Variants in NEK3 observed in about 807,000 individuals in gnomAD.
The protein encoded by NEK3 is NIMA related kinase 3, also known as serine/threonine-protein kinase Nek3.
NEK3 carries 54 observed loss-of-function variants against 66.0 expected under a neutral mutation model. The ratio of observed to expected loss-of-function variants is 0.82; its 90% CI spans 0.66 to 1.03. NEK3 has a LOEUF of 1.03. Among genes scored for constraint, NEK3 ranks in the 50% least tolerant of loss-of-function variants. NEK3 has a pLI of 0.00. For synonymous variants in NEK3, 200 were observed against 206.2 expected, an observed-to-expected ratio of 0.97 and a Z score of 0.26; for missense variants, 593 against 603.0, an observed-to-expected ratio of 0.98 and a Z score of 0.17.
chr13:52,148,284 A>C lies in NEK3; in HGVS notation c.603+131T>G, dbSNP rs1016171922. On this transcript the variant is annotated intron_variant, in intron 8 of 15. Transcript: ENST00000610828. The stretch of plus-strand genomic sequence containing the variant: ...AAACTAACTCAGGGCAGATGACTGC[A>C]CTGGAAACATATACAAACTTTTATA... The C allele has an allele frequency of 8.4e-5, 66 of 781,596 alleles. 1 individual carries two copies. The Admixed American group carries it at 1.4e-3, about 17-fold the overall frequency. The allele number at this position is 781,596 out of a possible 1,614,324, so 48.4% of individuals were successfully genotyped here. A position where few individuals can be genotyped will look rare whatever the true frequency, so the allele number is the denominator to read the frequency against.
intron 2 of NEK3, among the ~76,000 whole-genome samples, chr13:52,154,782 G>A (rs1956377979): frequency 6.7e-6 from 1 of 149,124 alleles, no homozygotes; most frequent in Non-Finnish European, 1.5e-5. Context: ...AGTTGGGTGT[G>A]GTGGCTACCC....
intron 7 of NEK3, among the ~76,000 whole-genome samples, chr13:52,150,007 C>T (rs550193441): frequency 2.6e-5 from 4 of 152,126 alleles, no homozygotes; most frequent in Non-Finnish European, 5.9e-5. Flanking sequence ...AATCTCAATT[C>T]GGTAACATTA....
intron 2 of NEK3, 45 bp downstream of exon 2, chr13:52,156,030 A>T: frequency 7.9e-7 from 1 of 1,269,508 alleles, no homozygotes; most frequent in Non-Finnish European, 1.1e-6. Context: ...TTTTATATAA[A>T]CTGCATGTAT....
chr13:52,151,058 T>G, intron 7 of NEK3, 88 bp downstream of exon 7: 2 of 996,800 alleles, frequency 2.0e-6, no homozygotes, highest in Non-Finnish European at 3.1e-6. Flanking sequence ...TGCATCTGTT[T>G]TGAAGTGACG....
intron 9 of NEK3, among the ~76,000 whole-genome samples, chr13:52,144,204 A>G (rs1470808689): frequency 6.6e-6 from 1 of 152,214 alleles, no homozygotes; most frequent in Non-Finnish European, 1.5e-5. Context: ...GCCTGAGGTC[A>G]GGAGTTTGAG....
chr13:52,148,656 T>A (rs888473950), intron 7 of NEK3, among the ~76,000 whole-genome samples, 187 bp from the exon 8 acceptor site: 1 of 152,140 alleles, frequency 6.6e-6, no homozygotes, highest in Admixed American at 6.5e-5. Context: ...TGCTTTTCAA[T>A]CCCCACCCCC....
At chr13:52,145,172 A>C (rs546776937) in intron 8 of NEK3, among the ~76,000 whole-genome samples, 1 of 152,298 alleles carries the variant, frequency 6.6e-6, no homozygotes, top group Non-Finnish European at 1.5e-5. Flanking sequence ...ATACATTATT[A>C]ATATATATTG....
chr13:52,144,773 T>C lies in NEK3; in HGVS notation c.722A>G (p.Asn241Ser), dbSNP rs575518080. The C allele has an allele frequency of 2.3e-5, 37 of 1,613,834 alleles. 1 individual carries two copies. In the South Asian group the frequency reaches 4.0e-4, roughly 17 times the overall value. Residue 241 changes from asparagine (N) to serine (S), a missense_variant, in exon 9 of 16, where the codon AAT becomes AGT. Transcript: ENST00000610828. The part of the protein sequence containing the change: ...QFLVKQMFKR[N>S]PSHRPSATTL... ...TGTAGCCGAGGGGCGATGTGAGGGA[T>C]TCCTTTTAAACATCTGCTTGACTAG...
intron 9 of NEK3, 89 bp downstream of exon 9, chr13:52,144,602 A>G: frequency 9.8e-7 from 1 of 1,024,270 alleles, no homozygotes; most frequent in Non-Finnish European, 1.5e-6. Flanking sequence ...GATTTTGATG[A>G]GCACATGTAA....
rs564552332 is a variant in NEK3, at chr13:52,133,806, C to G, written c.1319G>C (p.Gly440Ala). ...TTCAGACAGGGGGCCTTTCAAGAAC[C>G]CTTCTGAACCTTCAGGAGATATTAA... ...TYTIYRPGSE[G>A]FLKGPLSEET... is the part of the protein sequence containing the mutation. Residue 440 changes from glycine (G) to alanine (A), a missense_variant, in exon 15 of 16, where the codon GGG (glycine) becomes GCG (alanine). Physicochemically the swap from Gly to Ala is moderately conservative, Grantham distance 60 (BLOSUM62 0). Transcript: ENST00000610828. 6.3e-6 allele frequency: 10 copies of G among 1,598,408 alleles called. No homozygotes were observed. The highest frequency in any genetic ancestry group is 2.2e-5 in the East Asian group (1 of 44,604).
rs1283218714 is a variant in NEK3, at chr13:52,133,689, G to A, written c.1436C>T (p.Thr479Met). ...RLEPGLDEEDTDFEEEDDNPD... is the reference protein window; with the variant it reads ...RLEPGLDEEDMDFEEEDDNPD... ...GCTTTCTATGCATATCACAACGTACGTGTCCTCCTCATCTAGCCCAGGCTC... is the reference window on the plus strand; with the variant it reads ...GCTTTCTATGCATATCACAACGTACATGTCCTCCTCATCTAGCCCAGGCTC... The change falls in exon 15 of 16, where the codon ACG (threonine) becomes ATG (methionine). Residue 479 changes from threonine (T) to methionine (M), a missense_variant and splice_region_variant. Coordinates refer to ENST00000610828, the MANE Select transcript of NEK3 (RefSeq NM_002498.3). The A allele has an allele frequency of 5.2e-6, 8 of 1,551,800 alleles. No homozygotes were observed. The highest frequency in any genetic ancestry group is 2.0e-5 in the Admixed American group (1 of 50,944).
intron 8 of NEK3, 56 bp downstream of exon 8, chr13:52,148,359 T>C: frequency 1.3e-6 from 2 of 1,519,044 alleles, no homozygotes; most frequent in Non-Finnish European, 1.8e-6. Flanking sequence ...TGTCACATTA[T>C]TAGGGCTCAG....
At chr13:52,147,741 G>A (rs908965958) in intron 8 of NEK3, among the ~76,000 whole-genome samples, 1 of 152,176 alleles carries the variant, frequency 6.6e-6, no homozygotes, top group Non-Finnish European at 1.5e-5. Flanking sequence ...GGAGGCCGAG[G>A]CGAGTGGATC....
chr13:52,133,682 A>G lies in NEK3; in HGVS notation c.1436+7T>C. 6.4e-7 allele frequency: 1 copy of G among 1,551,128 alleles called. No homozygotes were observed. The highest frequency in any genetic ancestry group is 2.4e-5 in the East Asian group (1 of 40,962). On this transcript the variant is annotated splice_region_variant and intron_variant, in intron 15 of 15. Coordinates refer to ENST00000610828, the MANE Select transcript of NEK3 (RefSeq NM_002498.3). ...AGCTACAGCTTTCTATGCATATCAC[A>G]ACGTACGTGTCCTCCTCATCTAGCC...
Position 52,141,070 on chromosome 13 carries a change from CT to C in NEK3, c.878-2del. The C allele has an allele frequency of 1.3e-6, 2 of 1,596,674 alleles. No individual in the cohort carries two copies. The highest frequency in any genetic ancestry group is 1.7e-5 in the Admixed American group (1 of 57,388). ...GCTATCCTGATTCTGCTGGGGTTTG[CT>C]TTTAAAAGAGAGAGAGAAGGTAGAA... On this transcript the variant is annotated splice_acceptor_variant, in intron 10 of 15. Transcript: ENST00000610828. LOFTEE classifies it high-confidence loss of function.
chr13:52,135,616 C>G, intron 14 of NEK3, 113 bp downstream of exon 14: 1 of 863,598 alleles, frequency 1.2e-6, no homozygotes, highest in Non-Finnish European at 1.7e-6. Context: ...GTACTTAGTG[C>G]TACTGAACTG....
chr13:52,141,979 C>T (rs1005670120), intron 10 of NEK3, among the ~76,000 whole-genome samples: 24 of 151,460 alleles, frequency 1.6e-4, no homozygotes, highest in Non-Finnish European at 2.9e-4. Context: ...CCCAGCCACT[C>T]TGGAGGCTGA....
rs1027261717 is a variant in NEK3 at position 52,154,299 on chromosome 13, TAA to T, written c.118-128_118-127del. 7.1e-6 allele frequency: 4 copies of T among 564,688 alleles called. No homozygotes were observed. In the African/African-American group the frequency reaches 7.5e-5, roughly 11 times the overall value. 35.0% of individuals were successfully genotyped at this position (564,688 alleles called of 1,614,324 possible). On this transcript the variant is annotated intron_variant, in intron 2 of 15. Coordinates refer to ENST00000610828, the MANE Select transcript of NEK3 (RefSeq NM_002498.3). ...TTTTATAACACACTGTGGCTCAACT[TAA>T]GTTTGTCAAATGACAAGAGAAAATG...
At chr13:52,144,152 G>A (rs576496946) in intron 9 of NEK3, among the ~76,000 whole-genome samples, 165 bp from the exon 10 acceptor site, 5 of 152,190 alleles carry the variant, frequency 3.3e-5, no homozygotes, top group Non-Finnish European at 7.3e-5. Flanking sequence ...GGTGGCTCAC[G>A]CCTGTAATCC....
Sources: gnomAD v4.1 joint callset for allele counts (sites outside exome capture counted in the v4.1 genomes callset) on GRCh38, gnomAD v4.1.1 for gene constraint, MANE v1.5 for transcripts, NCBI Gene and HGNC (gene_info 2026-07-23, HGNC 2026-07-21) for gene names.